NCKAP5: variants seen among roughly 807,000 people sequenced by gnomAD.
The protein encoded by NCKAP5 is nck-associated protein 5.
Under a neutral mutation model 167.0 loss-of-function variants are expected in NCKAP5, and 92 were observed. The observed-to-expected ratio is 0.55, with a 90% CI of 0.47 to 0.66. The LOEUF (loss-of-function observed/expected upper bound fraction) is 0.66, where lower values mean the gene tolerates loss of function less well. Ranked by LOEUF, NCKAP5 falls within the 30% of genes least tolerant of loss-of-function variation. The pLI, the probability that NCKAP5 is intolerant of heterozygous loss-of-function variation, is 0.00. For missense variants in NCKAP5, 2,378 were observed against 2,315.0 expected (o/e 1.03, Z -0.56); for synonymous variants, 891 against 877.4 (o/e 1.02, Z -0.27).
intron 6 of NCKAP5, among the ~76,000 whole-genome samples, chr2:133,083,621 G>T (rs972048530): frequency 2.0e-5 from 3 of 152,176 alleles, no homozygotes; most frequent in African/African-American, 7.2e-5. Context: ...AAGTTATCAG[G>T]GTGGTGGTAG....
At position 132,962,956 on chromosome 2, in the gene NCKAP5, G is replaced by A. The variant is rs185495378; in HGVS notation, c.579+764C>T. Among the ~76,000 whole-genome samples the A allele has an allele frequency of 5.6e-3, 849 of 152,110 alleles. 9 individuals are homozygous for A. Among genetic ancestry groups the A allele is most frequent in the Non-Finnish European group, 8.3e-3 (564 of 67,992 alleles). Reference sequence around the variant, plus strand: ...TCTGTAGACTCTATGGTAGAACTGCGTTTTTAGATGTTGGGTGAAGGCCCT... The same window carrying A: ...TCTGTAGACTCTATGGTAGAACTGCATTTTTAGATGTTGGGTGAAGGCCCT... On this transcript the variant is annotated intron_variant, in intron 8 of 19. Coordinates refer to ENST00000409261, the MANE Select transcript of NCKAP5 (RefSeq NM_207363.3).
At chr2:133,401,197 T>G (rs1688074116) in intron 3 of NCKAP5, among the ~76,000 whole-genome samples, 1 of 152,214 alleles carries the variant, frequency 6.6e-6, no homozygotes, top group Non-Finnish European at 1.5e-5. Context: ...GCTTCTGGGA[T>G]AGTGAACGCA....
intron 10 of NCKAP5, among the ~76,000 whole-genome samples, chr2:132,863,156 T>G (rs1690066270): frequency 6.6e-6 from 1 of 152,244 alleles, no homozygotes; most frequent in Non-Finnish European, 1.5e-5. Flanking sequence ...AACCTCTGTC[T>G]GTGTCTCATG....
At chr2:133,454,179 T>C (rs1691711923) in intron 3 of NCKAP5, among the ~76,000 whole-genome samples, 1 of 152,044 alleles carries the variant, frequency 6.6e-6, no homozygotes, top group Non-Finnish European at 1.5e-5. Flanking sequence ...AACATAGAAC[T>C]TGGCTTTTAG....
intron 3 of NCKAP5, among the ~76,000 whole-genome samples, chr2:133,426,800 A>T (rs2151110561): frequency 6.6e-6 from 1 of 152,342 alleles, no homozygotes; most frequent in East Asian, 1.9e-4. Context: ...AGGAGAAACT[A>T]GATGAGAGGT....
chr2:132,731,635 A>G (rs1178619940), intron 17 of NCKAP5, 102 bp downstream of exon 17: 6 of 1,280,184 alleles, frequency 4.7e-6, no homozygotes, highest in South Asian at 1.5e-5. Context: ...ACATATCTAC[A>G]TTTTTATCAG....
chr2:132,883,205 TACACACACACACAC>T (rs3044408), intron 8 of NCKAP5, among the ~76,000 whole-genome samples: 16 of 139,650 alleles, frequency 1.1e-4, no homozygotes, highest in Non-Finnish European at 1.7e-4. Flanking sequence ...CTGACTCAAA[TACACACACACACAC>T]ACACACACAC....
At chr2:132,732,113 T>C in intron 16 of NCKAP5, 62 bp from the exon 17 acceptor site, 1 of 1,442,472 alleles carries the variant, frequency 6.9e-7, no homozygotes, top group Non-Finnish European at 9.3e-7. Context: ...GATAAAAGAA[T>C]CATGGAAATT....
chr2:133,205,291 T>TTAGATAGA lies in NCKAP5; in HGVS notation c.207+8417_207+8424dup, dbSNP rs36008566. 1.8e-3 allele frequency among the ~76,000 whole-genome samples: 267 copies of TTAGATAGA among 149,762 alleles called. 3 individuals carry two copies. The highest frequency in any genetic ancestry group is 3.5e-3 in the African/African-American group (142 of 40,374). On this transcript the variant is annotated intron_variant, in intron 5 of 19. Transcript: ENST00000409261. ...TGGGTAACACAGCCAGACTCTGAAA[T>TTAGATAGA]TAGATAGATAGATAGATAGATAGAT...
chr2:133,464,458 G>A (rs564192051), intron 3 of NCKAP5, among the ~76,000 whole-genome samples: 246 of 152,038 alleles, frequency 1.6e-3, no homozygotes, highest in African/African-American at 5.6e-3. Context: ...TGGGGGCCAA[G>A]GCAGGTGGAT....
intron 3 of NCKAP5, among the ~76,000 whole-genome samples, chr2:133,447,393 T>C (rs2151185685): frequency 6.6e-6 from 1 of 152,206 alleles, no homozygotes; most frequent in East Asian, 1.9e-4. Context: ...TTAAGGCCTC[T>C]TTCTCCGTCT....
At chr2:132,822,125 AG>A (rs2105324991) in intron 11 of NCKAP5, among the ~76,000 whole-genome samples, 1 of 152,332 alleles carries the variant, frequency 6.6e-6, no homozygotes, top group Non-Finnish European at 1.5e-5. Context: ...ACAGCAACTC[AG>A]GACAGAATCA....
chr2:133,460,638 C>T lies in NCKAP5; in HGVS notation c.69+56820G>A, dbSNP rs146560148. Among the ~76,000 whole-genome samples, 1,140 of 152,204 alleles carry T rather than the reference C, an allele frequency of 7.5e-3. 20 individuals are homozygous for T. The highest frequency in any genetic ancestry group is 0.026 in the African/African-American group (1,065 of 41,550). On this transcript the variant is annotated intron_variant, in intron 3 of 19. Coordinates refer to ENST00000409261, the MANE Select transcript of NCKAP5 (RefSeq NM_207363.3). ...GAAAGAATAGCCATTGAACATTTAA[C>T]TAGAATTGTCAGGTACAAACTATAA...
intron 8 of NCKAP5, among the ~76,000 whole-genome samples, chr2:132,914,540 C>T (rs1694714144): frequency 6.6e-6 from 1 of 151,908 alleles, no homozygotes; most frequent in Admixed American, 6.6e-5. Context: ...TGGACTAATA[C>T]TACCTTTAAA....
intron 3 of NCKAP5, among the ~76,000 whole-genome samples, chr2:133,445,673 C>T (rs1463864595): frequency 1.3e-5 from 2 of 152,076 alleles, no homozygotes; most frequent in South Asian, 2.1e-4. Flanking sequence ...AATTGCGATT[C>T]CACCTGGTCC....
chr2:133,630,683 T>G, the NCKAP5 span, among the ~76,000 whole-genome samples: 4 of 152,172 alleles, frequency 2.6e-5, no homozygotes, highest in African/African-American at 9.7e-5. Context: ...CTGGGCTAGA[T>G]TCCTTAAGGA....
At position 133,110,007 on chromosome 2, in the gene NCKAP5, G is replaced by A. The variant is rs1256633637; in HGVS notation, c.341+19971C>T. 2.0e-5 allele frequency among the ~76,000 whole-genome samples: 3 copies of A among 152,262 alleles called. No homozygotes were observed. The East Asian group carries it at 5.8e-4, about 29-fold the overall frequency. ...ACAAGAAGGCTTCAGAGAAAAAGAA[G>A]AAATGCAATCAAAGAGCAAAGCACA... On this transcript the variant is annotated intron_variant, in intron 6 of 19. Transcript: ENST00000409261.
the NCKAP5 span, among the ~76,000 whole-genome samples, chr2:133,629,163 T>C: frequency 6.6e-6 from 1 of 152,202 alleles, no homozygotes; most frequent in Non-Finnish European, 1.5e-5. Flanking sequence ...AAAGAACTCC[T>C]GAACCACAAA....
chr2:132,781,122 A>T lies in NCKAP5; in HGVS notation c.4979T>A (p.Ile1660Asn). Residue 1660 changes from isoleucine (I) to asparagine (N), a missense_variant, in exon 15 of 20, where the codon ATC becomes AAC. By Grantham distance (149) the Ile-to-Asn change is moderately radical. This residue lies in a region of NCKAP5 where 1,325 missense variants were observed against 1,274.5 expected (regional missense o/e 1.04). Coordinates refer to ENST00000409261, the MANE Select transcript of NCKAP5 (RefSeq NM_207363.3). ...TTTCTTGTGGTTTCCTTGAGTACTG[A>T]TAGAGCTGCCGATGAGACAGGAGCC... ...SQGSCLIGSS[I>N]STQGNHKKNM... 1.9e-6 allele frequency: 3 copies of T among 1,613,782 alleles called. No individual in the cohort carries two copies. The highest frequency in any genetic ancestry group is 2.5e-6 in the Non-Finnish European group (3 of 1,179,852).
Sources: allele counts gnomAD v4.1 joint callset (sites outside exome capture counted in the v4.1 genomes callset), GRCh38; gene constraint gnomAD v4.1.1; regional missense constraint gnomAD v4.1.1; transcripts MANE v1.5; gene names NCBI Gene and HGNC (gene_info 2026-07-23, HGNC 2026-07-21).